The following UCK2 variants were observed in gnomAD, a reference collection of about 807,000 sequenced individuals.
UCK2 encodes uridine-cytidine kinase 2.
A neutral mutation model predicts 30.8 loss-of-function variants in UCK2; 6 were observed. The observed-to-expected ratio is 0.19, with a 90% CI of 0.11 to 0.38. The LOEUF (loss-of-function observed/expected upper bound fraction) is 0.38, where lower values mean the gene tolerates loss of function less well. UCK2 is among the 10% of genes least tolerant of loss of function. The probability of loss-of-function intolerance (pLI) is 1.00; values close to 1 mark genes in which losing one functional copy is unlikely to be tolerated. For synonymous variants in UCK2, 125 were observed against 133.6 expected (o/e 0.94, Z 0.45); for missense variants, 210 against 339.8 (o/e 0.62, Z 3.00).
At chr1:165,850,763 C>T (rs1029204624) in intron 1 of UCK2, among the ~76,000 whole-genome samples, 3 of 151,498 alleles carry the variant, frequency 2.0e-5, no homozygotes, top group South Asian at 2.1e-4. Flanking sequence ...AGACTACAGG[C>T]GCCCGCCACC....
At chr1:165,864,433 T>C (rs1654995752) in intron 1 of UCK2, among the ~76,000 whole-genome samples, 1 of 152,284 alleles carries the variant, frequency 6.6e-6, no homozygotes, top group African/African-American at 2.4e-5. Flanking sequence ...ATCAGTATAT[T>C]GTGTATGGGG....
intron 1 of UCK2, among the ~76,000 whole-genome samples, chr1:165,840,618 TGA>T (rs1654304512): frequency 6.6e-6 from 1 of 152,238 alleles, no homozygotes; most frequent in Admixed American, 6.5e-5. Context: ...TAAGTCCCAC[TGA>T]CTAATGTGAG....
chr1:165,863,750 T>G (rs60415933), intron 1 of UCK2, among the ~76,000 whole-genome samples: 1,825 of 152,342 alleles, frequency 0.012, 28 homozygotes, highest in African/African-American at 0.036. Flanking sequence ...CAGGGTGCTC[T>G]AGCAATACAG....
chr1:165,891,630 C>T (rs7543127), intron 3 of UCK2: 169,335 of 280,800 alleles, frequency 0.6, 51,612 homozygotes, highest in Admixed American at 0.7. Context: ...TCCAGTGCTG[C>T]TGTTCCTGGA....
intron 1 of UCK2, among the ~76,000 whole-genome samples, chr1:165,843,355 A>G (rs1389985256): frequency 2.0e-5 from 3 of 152,328 alleles, no homozygotes; most frequent in African/African-American, 7.2e-5. Flanking sequence ...GGGAAAAGTC[A>G]TCTTTAAATG....
chr1:165,907,591 G>C, intron 6 of UCK2, 93 bp from the exon 7 acceptor site: 1 of 1,501,210 alleles, frequency 6.7e-7, no homozygotes, highest in Non-Finnish European at 9.0e-7. Context: ...TTTCTACTGT[G>C]GTTCCTGCAT....
intron 1 of UCK2, among the ~76,000 whole-genome samples, chr1:165,839,939 C>T (rs1172784482): frequency 1.3e-5 from 2 of 152,200 alleles, no homozygotes; most frequent in South Asian, 2.1e-4. Flanking sequence ...CCCCGGCCCC[C>T]GCCCCAGACA....
chr1:165,845,746 C>T (rs1000577076), intron 1 of UCK2, among the ~76,000 whole-genome samples: 2 of 152,188 alleles, frequency 1.3e-5, no homozygotes, highest in Non-Finnish European at 2.9e-5. Context: ...CTGCTCACTG[C>T]AGCCTCAACT....
intron 1 of UCK2, among the ~76,000 whole-genome samples, chr1:165,841,101 G>GTA (rs1654318642): frequency 3.7e-5 from 1 of 27,274 alleles, no homozygotes; most frequent in Non-Finnish European, 1.2e-4. Flanking sequence ...ACACGTATGT[G>GTA]TGTGTGTGTG....
intron 1 of UCK2, among the ~76,000 whole-genome samples, chr1:165,875,567 C>T (rs1289356543): frequency 6.6e-6 from 1 of 152,164 alleles, no homozygotes; most frequent in Non-Finnish European, 1.5e-5. Context: ...GCCCCTGCCC[C>T]CTGCAGACAT....
chr1:165,852,853 T>C (rs1479338309), intron 1 of UCK2, among the ~76,000 whole-genome samples: 1 of 152,222 alleles, frequency 6.6e-6, no homozygotes, highest in Non-Finnish European at 1.5e-5. Flanking sequence ...TGGGAAGTGT[T>C]GCCACAGCTC....
At chr1:165,889,120 C>G (rs1313579198) in intron 1 of UCK2, among the ~76,000 whole-genome samples, 1 of 152,112 alleles carries the variant, frequency 6.6e-6, no homozygotes, top group African/African-American at 2.4e-5. Flanking sequence ...TGGGATACTC[C>G]TAAGTTGTTT....
chr1:165,830,567 C>T (rs928487211), intron 1 of UCK2, among the ~76,000 whole-genome samples: 13 of 151,960 alleles, frequency 8.6e-5, no homozygotes, highest in South Asian at 2.1e-4. Flanking sequence ...CCTTGTGATC[C>T]GCCCGCCTCG....
chr1:165,877,456 C>T (rs998753102), intron 1 of UCK2, among the ~76,000 whole-genome samples: 1 of 152,230 alleles, frequency 6.6e-6, no homozygotes, highest in Admixed American at 6.5e-5. Context: ...CTCCACTGCT[C>T]CCTGTCCCTA....
Position 165,905,923 on chromosome 1 carries a change from A to G in UCK2, c.600A>G (p.Thr200=). The G allele has an allele frequency of 6.2e-7, 1 of 1,614,028 alleles. No individual in the cohort carries two copies. Among genetic ancestry groups the G allele is most frequent in the Non-Finnish European group, 8.5e-7 (1 of 1,179,906 alleles). The part of the protein sequence containing the change: ...KPAFEEFCLP[T]KKYADVIIPR... ...ATATTAACTGTCTTTCTCCACAGAC[A>G]AAGAAGTATGCTGATGTGATCATCC... is the stretch of plus-strand genomic sequence containing the variant. Residue 200 remains threonine, a splice_region_variant and synonymous_variant, in exon 6 of 7, where the codon ACA becomes ACG. Transcript: ENST00000367879.
chr1:165,828,269 A>G (rs1248793808), intron 1 of UCK2, among the ~76,000 whole-genome samples: 1 of 152,114 alleles, frequency 6.6e-6, no homozygotes, highest in Non-Finnish European at 1.5e-5. Flanking sequence ...TTGCAACTCC[A>G]GTGTCGGGGG....
At chr1:165,843,238 C>T (rs1023104479) in intron 1 of UCK2, among the ~76,000 whole-genome samples, 4 of 151,346 alleles carry the variant, frequency 2.6e-5, no homozygotes, top group East Asian at 1.9e-4. Flanking sequence ...TTTTTTAAAC[C>T]ATGATTGTGA....
chr1:165,846,057 C>T (rs1261892856), intron 1 of UCK2, among the ~76,000 whole-genome samples: 2 of 151,954 alleles, frequency 1.3e-5, no homozygotes, highest in Non-Finnish European at 2.9e-5. Context: ...TTTGGGAGGC[C>T]GAGGTGGGAT....
At chr1:165,853,473 TTC>T (rs1654650052) in intron 1 of UCK2, among the ~76,000 whole-genome samples, 1 of 152,068 alleles carries the variant, frequency 6.6e-6, no homozygotes, top group Non-Finnish European at 1.5e-5. Context: ...ATCTAGTGGG[TTC>T]TCTCTCACCC....
Sources: gnomAD v4.1 joint callset for allele counts (sites outside exome capture counted in the v4.1 genomes callset) on GRCh38, gnomAD v4.1.1 for gene constraint, MANE v1.5 for transcripts, NCBI Gene and HGNC (gene_info 2026-07-23, HGNC 2026-07-21) for gene names.